PTPRD: variants seen among roughly 807,000 people sequenced by gnomAD.
The protein encoded by PTPRD is protein tyrosine phosphatase receptor type D.
In PTPRD, 34 loss-of-function variants were observed where a neutral mutation model predicts 214.5. That is an observed-to-expected ratio of 0.16 (90% CI 0.12 to 0.21). The LOEUF is 0.21. Among genes scored for constraint, PTPRD ranks in the 10% least tolerant of loss-of-function variants. The pLI, the probability that PTPRD is intolerant of heterozygous loss-of-function variation, is 1.00. For synonymous variants in PTPRD, 1,128 were observed against 845.7 expected (o/e 1.33, Z -5.79); for missense variants, 2,545 against 2,398.7 (o/e 1.06, Z -1.27).
chr9:8,833,605 A>T (rs2097344449), intron 11 of PTPRD, among the ~76,000 whole-genome samples: 1 of 151,318 alleles, frequency 6.6e-6, no homozygotes, highest in Non-Finnish European at 1.5e-5. Context: ...TATTGAAAAA[A>T]ATTAAAACTC....
chr9:8,650,175 C>G (rs2154343392), intron 12 of PTPRD, among the ~76,000 whole-genome samples: 1 of 152,160 alleles, frequency 6.6e-6, no homozygotes, highest in East Asian at 2.0e-4. Flanking sequence ...GCCTCAGTCT[C>G]CCAAAGTGCT....
In PTPRD at chr9:8,317,767, G is replaced by T. The variant is rs931185981; in HGVS notation, c.*107C>A. On this transcript the variant is annotated 3_prime_UTR_variant, in exon 46 of 46. Transcript: ENST00000381196. Reference sequence around the variant, plus strand: ...TGTGTAATAGTCCCACTAAGTAGTTGTTAGCTAGAAGTTAAGAAGGACTTC... The same window carrying T: ...TGTGTAATAGTCCCACTAAGTAGTTTTTAGCTAGAAGTTAAGAAGGACTTC... The T allele has an allele frequency of 3.3e-6, 3 of 915,298 alleles. No individual in the cohort carries two copies. Among genetic ancestry groups the T allele is most frequent in the Non-Finnish European group, 3.5e-6 (2 of 571,476 alleles). 56.7% of individuals were successfully genotyped at this position (915,298 alleles called of 1,614,324 possible). A position where few individuals can be genotyped will look rare whatever the true frequency, so the allele number is the denominator to read the frequency against.
chr9:10,052,699 CA>C (rs2097556230), intron 3 of PTPRD, among the ~76,000 whole-genome samples: 1 of 152,136 alleles, frequency 6.6e-6, no homozygotes, highest in South Asian at 2.1e-4. Context: ...GTTTCTCATT[CA>C]AAGTCTATGC....
intron 11 of PTPRD, among the ~76,000 whole-genome samples, chr9:9,010,958 T>C (rs1232912562): frequency 6.6e-6 from 1 of 152,198 alleles, no homozygotes; most frequent in African/African-American, 2.4e-5. Context: ...TTTTTAAATT[T>C]TAATGATTAA....
chr9:10,358,575 C>T (rs769393341), intron 2 of PTPRD, among the ~76,000 whole-genome samples: 34 of 151,900 alleles, frequency 2.2e-4, no homozygotes, highest in South Asian at 4.1e-4. Context: ...CTTAGCATCA[C>T]ATTCAAAATA....
intron 9 of PTPRD, among the ~76,000 whole-genome samples, chr9:9,313,204 G>C (rs1170082715): frequency 6.6e-6 from 1 of 152,130 alleles, no homozygotes; most frequent in African/African-American, 2.4e-5. Context: ...TTTCCGGTAA[G>C]TTACTGATGA....
chr9:9,878,899 A>G lies in PTPRD; in HGVS notation c.-368+59608T>C, dbSNP rs116447742. On this transcript the variant is annotated intron_variant, in intron 5 of 45. Transcript: ENST00000381196. ...TTCCCTCCACAATCAAACATCAGCT[A>G]TTGATGTCCTTATCAGTCTGGACTT... is the stretch of plus-strand genomic sequence containing the variant. Among the ~76,000 whole-genome samples, 813 of 152,230 alleles carry G rather than the reference A, an allele frequency of 5.3e-3. 7 individuals are homozygous for G. The highest frequency in any genetic ancestry group is 0.018 in the African/African-American group (759 of 41,550).
chr9:9,630,669 T>C (rs192755170), intron 7 of PTPRD, among the ~76,000 whole-genome samples: 1 of 152,312 alleles, frequency 6.6e-6, no homozygotes, highest in Admixed American at 6.5e-5. Context: ...AAATAGTGAC[T>C]GGAAGATAAA....
chr9:8,906,686 C>A (rs1439707227), intron 11 of PTPRD, among the ~76,000 whole-genome samples: 1 of 151,998 alleles, frequency 6.6e-6, no homozygotes, highest in Non-Finnish European at 1.5e-5. Flanking sequence ...GTCCCTGCTC[C>A]CTTCCACCTT....
At chr9:9,985,295 ACT>A (rs924431906) in intron 4 of PTPRD, among the ~76,000 whole-genome samples, 18 of 151,732 alleles carry the variant, frequency 1.2e-4, no homozygotes, top group Admixed American at 5.9e-4. Flanking sequence ...TTCTATAATC[ACT>A]CTTTTTTCAT....
intron 2 of PTPRD, among the ~76,000 whole-genome samples, chr9:10,395,895 G>T (rs756044645): frequency 6.6e-6 from 1 of 151,408 alleles, no homozygotes; most frequent in East Asian, 2.0e-4. Flanking sequence ...AAACACTGTG[G>T]TCCTGAAGTA....
rs552993003 is a variant in PTPRD, at chr9:10,014,282, T to A, written c.-472+19436A>T. Among the ~76,000 whole-genome samples, 182 of 152,140 alleles carry A rather than the reference T, an allele frequency of 1.2e-3. 2 individuals are homozygous for A. The highest frequency in any genetic ancestry group is 4.0e-3 in the African/African-American group (165 of 41,544). On this transcript the variant is annotated intron_variant, in intron 4 of 45. Coordinates refer to ENST00000381196, the MANE Select transcript of PTPRD (RefSeq NM_002839.4). ...TAAGACTCAGTGAGGCTAAGTAATT[T>A]GAGCTGCAATTCCCATTCAGGTAAT...
intron 2 of PTPRD, among the ~76,000 whole-genome samples, chr9:10,598,711 G>GTGGTGTGGT (rs57068953): frequency 7.3e-6 from 1 of 137,076 alleles, no homozygotes; most frequent in Non-Finnish European, 1.6e-5. Context: ...TGTGGTGTGT[G>GTGGTGTGGT]GTGTGTGTGT....
intron 30 of PTPRD, among the ~76,000 whole-genome samples, chr9:8,483,301 T>A (rs1335492230): frequency 6.6e-6 from 1 of 152,246 alleles, no homozygotes; most frequent in East Asian, 1.9e-4. Flanking sequence ...GAATTTTTCC[T>A]ACTTTTAATA....
rs187560746 is a variant in PTPRD, at chr9:10,380,541, T to C, written c.-599-39524A>G. 3.3e-5 allele frequency among the ~76,000 whole-genome samples: 5 copies of C among 152,178 alleles called. No homozygotes were observed. The East Asian group carries it at 9.7e-4, about 30-fold the overall frequency. On this transcript the variant is annotated intron_variant, in intron 2 of 45. Transcript: ENST00000381196. Reference sequence around the variant, plus strand: ...ACTAATCAGCAAAATGTGTCTTTACTACCACATGACTGAAACAAAAAGTGC... The same window carrying C: ...ACTAATCAGCAAAATGTGTCTTTACCACCACATGACTGAAACAAAAAGTGC...
intron 2 of PTPRD, among the ~76,000 whole-genome samples, chr9:10,494,819 G>C (rs13296350): frequency 0.26 from 38,789 of 151,114 alleles, 6,143 homozygotes; most frequent in Non-Finnish European, 0.35. Context: ...AGATAGAATT[G>C]TTTTGATATA....
chr9:9,738,959 G>A (rs2098351215), intron 6 of PTPRD, among the ~76,000 whole-genome samples: 1 of 151,828 alleles, frequency 6.6e-6, no homozygotes, highest in South Asian at 2.1e-4. Flanking sequence ...TACCAGACAT[G>A]GTATTTTTAT....
intron 2 of PTPRD, among the ~76,000 whole-genome samples, chr9:10,482,825 T>A (rs1419073859): frequency 6.6e-6 from 1 of 152,088 alleles, no homozygotes; most frequent in Non-Finnish European, 1.5e-5. Flanking sequence ...CACGAACAAA[T>A]GGAAAGAATC....
intron 8 of PTPRD, among the ~76,000 whole-genome samples, chr9:9,426,374 T>C (rs1043698559): frequency 6.6e-6 from 1 of 152,188 alleles, no homozygotes; most frequent in Non-Finnish European, 1.5e-5. Context: ...GCGCCCACCA[T>C]TGCTGAGGCT....
Sources: allele counts gnomAD v4.1 joint callset (sites outside exome capture counted in the v4.1 genomes callset), GRCh38; gene constraint gnomAD v4.1.1; transcripts MANE v1.5; gene names NCBI Gene and HGNC (gene_info 2026-07-23, HGNC 2026-07-21).